ARHGAP44: variants seen among roughly 807,000 people sequenced by gnomAD.
ARHGAP44 encodes the protein Rho GTPase activating protein 44.
In ARHGAP44, 43 loss-of-function variants were observed where a neutral mutation model predicts 106.8. That is an observed-to-expected ratio of 0.40 (90% confidence interval 0.32 to 0.52). ARHGAP44 has a LOEUF of 0.52. ARHGAP44 is among the 20% of genes least tolerant of loss of function. The pLI, the probability that ARHGAP44 is intolerant of heterozygous loss-of-function variation, is 0.48. For synonymous variants in ARHGAP44, 439 were observed against 410.3 expected (o/e 1.07, Z -0.85); for missense variants, 866 against 1,050.5 (o/e 0.82, Z 2.43).
At chr17:12,803,273 A>G (rs1054490126) in intron 1 of ARHGAP44, among the ~76,000 whole-genome samples, 1 of 151,170 alleles carries the variant, frequency 6.6e-6, no homozygotes. Flanking sequence ...CGCCCAGCCA[A>G]TTTTTGTATT....
chr17:12,817,795 G>A (rs765928084), intron 1 of ARHGAP44, among the ~76,000 whole-genome samples: 3 of 151,874 alleles, frequency 2.0e-5, no homozygotes, highest in Non-Finnish European at 2.9e-5. Context: ...CTTGAAAACC[G>A]CAAATTACTG....
intron 3 of ARHGAP44, among the ~76,000 whole-genome samples, chr17:12,897,912 T>C (rs1442116881): frequency 1.3e-5 from 2 of 152,166 alleles, no homozygotes; most frequent in Admixed American, 6.5e-5. Flanking sequence ...GGAGTTTTCA[T>C]TGGATTGAGA....
At position 12,935,170 on chromosome 17, in the gene ARHGAP44, C is replaced by T. The variant is rs1280332093; in HGVS notation, c.583-5886C>T. 2.6e-5 allele frequency among the ~76,000 whole-genome samples: 4 copies of T among 152,170 alleles called. No homozygotes were observed. The East Asian group carries it at 7.7e-4, about 29-fold the overall frequency. ...AAATAATCCTGAATAGATTACTTTT[C>T]TATGTTGAAGATAATAATAAAATAC... On this transcript the variant is annotated intron_variant, in intron 7 of 20. Transcript: ENST00000379672.
intron 7 of ARHGAP44, among the ~76,000 whole-genome samples, chr17:12,932,327 TA>T (rs2038425568): frequency 6.6e-6 from 1 of 152,248 alleles, no homozygotes; most frequent in Non-Finnish European, 1.5e-5. Context: ...TACACATTCT[TA>T]ATTTGGTGAA....
chr17:12,891,615 G>A (rs7208286), intron 1 of ARHGAP44, among the ~76,000 whole-genome samples: 81,402 of 151,938 alleles, frequency 0.54, 21,979 homozygotes, highest in Non-Finnish European at 0.57. Context: ...TGGAGATCAA[G>A]TTTTCAACAT....
chr17:12,888,014 C>T (rs1039133064), intron 1 of ARHGAP44, among the ~76,000 whole-genome samples: 2 of 151,864 alleles, frequency 1.3e-5, no homozygotes, highest in Non-Finnish European at 2.9e-5. Context: ...TCTTTTCAGT[C>T]TTGCTAGAGA....
At position 12,984,593 on chromosome 17, in the gene ARHGAP44, G is replaced by C; in HGVS notation, c.2002G>C (p.Asp668His). 1.9e-6 allele frequency: 3 copies of C among 1,603,582 alleles called. No individual in the cohort carries two copies. The highest frequency in any genetic ancestry group is 2.2e-5 in the East Asian group (1 of 44,818). ...CTTTGGCCAGCCGGGGGCTATGGCA[G>C]ACCAGTCCGCTGGCCAGCCGTCCCC... ...VPFGQPGAMA[D>H]QSAGQPSPVS... The change falls in exon 20 of 21, where the codon GAC (aspartate) becomes CAC (histidine). Residue 668 changes from aspartate (D) to histidine (H), a missense_variant. By Grantham distance (81) the Asp-to-His change is moderately conservative. Around this residue, in one of 2 missense-constraint regions of ARHGAP44, gnomAD observed 418 missense variants for 403.6 expected, o/e 1.04. Transcript: ENST00000379672.
At chr17:12,823,655 C>T (rs975234268) in intron 1 of ARHGAP44, among the ~76,000 whole-genome samples, 5 of 152,134 alleles carry the variant, frequency 3.3e-5, no homozygotes, top group African/African-American at 1.2e-4. Context: ...CAACTGATCT[C>T]TCAAATAGTT....
intron 10 of ARHGAP44, among the ~76,000 whole-genome samples, chr17:12,946,341 G>A (rs963318469): frequency 5.3e-5 from 8 of 151,944 alleles, no homozygotes; most frequent in East Asian, 1.9e-4. Flanking sequence ...GTAAGATAGC[G>A]GATGTTTTGA....
intron 18 of ARHGAP44, among the ~76,000 whole-genome samples, chr17:12,976,093 G>C (rs1648431304): frequency 6.6e-6 from 1 of 152,152 alleles, no homozygotes; most frequent in Non-Finnish European, 1.5e-5. Context: ...CGTGTCTCCT[G>C]TTAGAAGACA....
Position 12,974,076 on chromosome 17 carries a change from TG to T in ARHGAP44, c.1542-12del. 6.4e-7 allele frequency: 1 copy of T among 1,556,280 alleles called. No individual in the cohort carries two copies. The highest frequency in any genetic ancestry group is 8.7e-7 in the Non-Finnish European group (1 of 1,149,636). ...TACGCGTGGGTAAGCGGTGTCTTTG[TG>T]TCCCTCGCCAGCATGGGTGTGAGGG... On this transcript the variant is annotated splice_polypyrimidine_tract_variant and intron_variant, in intron 17 of 20. Transcript: ENST00000379672.
intron 1 of ARHGAP44, among the ~76,000 whole-genome samples, chr17:12,892,639 T>C (rs2037081843): frequency 6.6e-6 from 1 of 152,148 alleles, no homozygotes; most frequent in South Asian, 2.1e-4. Flanking sequence ...TCTTTTGTTA[T>C]AGCCCCACAG....
intron 1 of ARHGAP44, among the ~76,000 whole-genome samples, chr17:12,831,633 G>T (rs1057066535): frequency 6.6e-6 from 1 of 152,146 alleles, no homozygotes; most frequent in African/African-American, 2.4e-5. Flanking sequence ...TCGAGGCCCT[G>T]TTCTTTCTGA....
intron 4 of ARHGAP44, among the ~76,000 whole-genome samples, chr17:12,912,474 C>T (rs901132669): frequency 4.0e-5 from 6 of 151,766 alleles, no homozygotes; most frequent in Admixed American, 1.3e-4. Flanking sequence ...GTCTTATGCC[C>T]GAAAAACAGG....
At chr17:12,829,412 A>G (rs186378854) in intron 1 of ARHGAP44, among the ~76,000 whole-genome samples, 56 of 152,134 alleles carry the variant, frequency 3.7e-4, no homozygotes, top group Admixed American at 1.1e-3. Flanking sequence ...TTGGCTTCTT[A>G]TAGTATATAT....
At chr17:12,979,619 C>T (rs1046109254) in intron 18 of ARHGAP44, among the ~76,000 whole-genome samples, 2 of 152,164 alleles carry the variant, frequency 1.3e-5, no homozygotes, top group Admixed American at 6.5e-5. Context: ...AGCAGGAGTC[C>T]GTGTCATCAG....
chr17:12,903,521 G>A (rs928249884), intron 3 of ARHGAP44, among the ~76,000 whole-genome samples: 6 of 151,968 alleles, frequency 3.9e-5, no homozygotes, highest in Admixed American at 2.0e-4. Context: ...GTACTGGAGG[G>A]AAAAAGATTT....
chr17:12,978,751 C>T (rs1419334667), intron 18 of ARHGAP44, among the ~76,000 whole-genome samples: 1 of 148,954 alleles, frequency 6.7e-6, no homozygotes, highest in East Asian at 2.0e-4. Context: ...TGCAGTGGCA[C>T]GATCTCAGCT....
In ARHGAP44 at chr17:12,789,769, A is replaced by T; in HGVS notation, c.-70A>T. The T allele has an allele frequency of 7.2e-7, 1 of 1,385,270 alleles. No homozygotes were observed. The highest frequency in any genetic ancestry group is 9.4e-7 in the Non-Finnish European group (1 of 1,059,236). 85.8% of individuals were successfully genotyped at this position (1,385,270 alleles called of 1,614,324 possible). On this transcript the variant is annotated 5_prime_UTR_variant, in exon 1 of 21. The change abolishes the stop of an existing upstream ORF in the 5' untranslated region. Transcript: ENST00000379672. ...GGGAGGCTCCGCGCGGGAGCCATGT[A>T]ACCCTGCGGCGGGCTCCGGGCTGCT...
Sources: allele counts gnomAD v4.1 joint callset (sites outside exome capture counted in the v4.1 genomes callset), GRCh38; gene constraint gnomAD v4.1.1; regional missense constraint gnomAD v4.1.1; transcripts MANE v1.5; gene names NCBI Gene and HGNC (gene_info 2026-07-23, HGNC 2026-07-21).